The following CSMD3 variants were observed in gnomAD, a reference collection of about 807,000 sequenced individuals.
CSMD3 encodes CUB and sushi domain-containing protein 3.
In CSMD3, 177 loss-of-function variants were observed where a neutral mutation model predicts 435.2. That is an observed-to-expected ratio of 0.41 (90% confidence interval 0.36 to 0.46). The LOEUF is 0.46. CSMD3 is among the 20% of genes least tolerant of loss of function. CSMD3 has a pLI of 0.34. For synonymous variants in CSMD3, 1,656 were observed against 1,520.5 expected (o/e 1.09, Z -2.07); for missense variants, 4,265 against 4,504.6 (o/e 0.95, Z 1.52).
chr8:112,299,135 AG>A (rs1236378176), intron 53 of CSMD3, among the ~76,000 whole-genome samples: 1 of 152,120 alleles, frequency 6.6e-6, no homozygotes, highest in Non-Finnish European at 1.5e-5. Context: ...ATGAATTTCT[AG>A]AACAGGGGAA....
intron 4 of CSMD3, among the ~76,000 whole-genome samples, chr8:113,126,542 A>G (rs181304412): frequency 6.6e-6 from 1 of 152,144 alleles, no homozygotes. Context: ...TCTGGATGAC[A>G]TTAATAAAGG....
At chr8:112,384,335 T>C (rs2131260133) in intron 36 of CSMD3, among the ~76,000 whole-genome samples, 1 of 152,344 alleles carries the variant, frequency 6.6e-6, no homozygotes, top group South Asian at 2.1e-4. Flanking sequence ...GTGAAGGTCC[T>C]TAAAGTTGAG....
chr8:113,210,595 C>T (rs929874848), intron 3 of CSMD3, among the ~76,000 whole-genome samples: 11 of 151,770 alleles, frequency 7.2e-5, no homozygotes, highest in Non-Finnish European at 1.3e-4. Context: ...CTTAGAAAGG[C>T]TGTGGGGCGC....
intron 45 of CSMD3, among the ~76,000 whole-genome samples, chr8:112,322,411 C>G (rs900048954): frequency 6.6e-6 from 1 of 151,990 alleles, no homozygotes; most frequent in Non-Finnish European, 1.5e-5. Flanking sequence ...CTGTTCTTTC[C>G]TATCACTGTC....
intron 11 of CSMD3, among the ~76,000 whole-genome samples, chr8:112,832,015 G>A (rs1424784523): frequency 1.3e-5 from 2 of 152,006 alleles, no homozygotes; most frequent in African/African-American, 4.8e-5. Context: ...TTCCTTGTTA[G>A]ATTATTTATA....
chr8:113,131,262 C>G lies in CSMD3; in HGVS notation c.710-32299G>C, dbSNP rs144613232. Among the ~76,000 whole-genome samples the G allele has an allele frequency of 5.9e-3, 897 of 152,082 alleles. 4 individuals are homozygous for G. The highest frequency in any genetic ancestry group is 0.019 in the African/African-American group (797 of 41,494). ...ACAGTCAACACAAGGGGGAAAATAT[C>G]CCCAGGGCATTTCAGAGATCTCCCC... On this transcript the variant is annotated intron_variant, in intron 4 of 70. Coordinates refer to ENST00000297405, the MANE Select transcript of CSMD3 (RefSeq NM_198123.2).
intron 2 of CSMD3, among the ~76,000 whole-genome samples, chr8:113,291,888 C>A (rs1371178469): frequency 6.6e-6 from 1 of 151,572 alleles, no homozygotes; most frequent in Non-Finnish European, 1.5e-5. Context: ...ATAAAAGTAA[C>A]TTCCTTGATA....
At chr8:112,881,422 T>C (rs1242035766) in intron 10 of CSMD3, among the ~76,000 whole-genome samples, 1 of 152,092 alleles carries the variant, frequency 6.6e-6, no homozygotes, top group Admixed American at 6.6e-5. Context: ...AAATTGCATT[T>C]CTTTCAAATG....
At chr8:113,161,482 T>C (rs931848517) in intron 4 of CSMD3, among the ~76,000 whole-genome samples, 1 of 152,138 alleles carries the variant, frequency 6.6e-6, no homozygotes, top group African/African-American at 2.4e-5. Flanking sequence ...TTATAGTATA[T>C]AAACTTAAAT....
chr8:112,390,245 T>G (rs1830301527), intron 36 of CSMD3, among the ~76,000 whole-genome samples: 1 of 152,220 alleles, frequency 6.6e-6, no homozygotes, highest in Non-Finnish European at 1.5e-5. Context: ...CTGTTTTAGC[T>G]GCTGGCCATT....
chr8:112,246,563 T>C (rs1167161948), intron 64 of CSMD3, among the ~76,000 whole-genome samples: 1 of 152,194 alleles, frequency 6.6e-6, no homozygotes, highest in Non-Finnish European at 1.5e-5. Context: ...AATTCTAAAA[T>C]TGTTCTCAAA....
At position 113,396,839 on chromosome 8, in the gene CSMD3, A is replaced by G. The variant is rs373276804; in HGVS notation, c.178+39838T>C. On this transcript the variant is annotated intron_variant, in intron 1 of 70. Transcript: ENST00000297405. The stretch of plus-strand genomic sequence containing the variant: ...CATTTATAACACATCACTACCAGAT[A>G]TATTATTTATTTATTACTTATTTAT... Among the ~76,000 whole-genome samples the G allele has an allele frequency of 9.9e-5, 15 of 152,192 alleles. No homozygotes were observed. The South Asian group carries it at 3.1e-3, about 32-fold the overall frequency.
At chr8:113,302,783 G>A (rs1481611502) in intron 2 of CSMD3, among the ~76,000 whole-genome samples, 1 of 142,532 alleles carries the variant, frequency 7.0e-6, no homozygotes, top group East Asian at 2.1e-4. Context: ...AGCTATCTAT[G>A]ACAAACCCAC....
chr8:112,804,139 TTTG>T (rs1333179154), intron 12 of CSMD3, among the ~76,000 whole-genome samples: 1 of 152,106 alleles, frequency 6.6e-6, no homozygotes, highest in Non-Finnish European at 1.5e-5. Flanking sequence ...CCATTAGCAG[TTTG>T]TTGAGGCTTT....
At chr8:112,232,585 G>A (rs919223107) in intron 68 of CSMD3, among the ~76,000 whole-genome samples, 2 of 152,034 alleles carry the variant, frequency 1.3e-5, no homozygotes, top group East Asian at 3.9e-4. Context: ...CTCCAGCCTG[G>A]GCAACAGAGT....
chr8:112,536,340 C>T (rs908209163), intron 27 of CSMD3, among the ~76,000 whole-genome samples: 1 of 152,120 alleles, frequency 6.6e-6, no homozygotes, highest in Admixed American at 6.6e-5. Context: ...AACTAAACAA[C>T]CCCATCAAAA....
At chr8:112,389,179 A>G (rs1408844330) in intron 36 of CSMD3, among the ~76,000 whole-genome samples, 3 of 152,190 alleles carry the variant, frequency 2.0e-5, no homozygotes, top group Non-Finnish European at 2.9e-5. Context: ...CAGTGGGTCA[A>G]AAAGAGAAGA....
At chr8:113,258,763 T>A (rs1337044594) in intron 3 of CSMD3, among the ~76,000 whole-genome samples, 1 of 152,036 alleles carries the variant, frequency 6.6e-6, no homozygotes, top group Non-Finnish European at 1.5e-5. Context: ...TAGAGAAAAT[T>A]CAGCAGTAAA....
chr8:112,223,348 T>G lies in CSMD3; in HGVS notation c.*1423A>C, dbSNP rs1812315193. 3.1e-6 allele frequency: 1 copy of G among 322,164 alleles called. No homozygotes were observed. The highest frequency in any genetic ancestry group is 5.0e-5 in the Admixed American group (1 of 20,140). 20.0% of individuals were successfully genotyped at this position (322,164 alleles called of 1,614,324 possible). ...TTCTCTTAGGCACTCTGTCTCATGA[T>G]ACAAAAAGTCAAGACTGTTCACAGA... On this transcript the variant is annotated 3_prime_UTR_variant, in exon 71 of 71. Coordinates refer to ENST00000297405, the MANE Select transcript of CSMD3 (RefSeq NM_198123.2).
Sources: allele counts gnomAD v4.1 joint callset (sites outside exome capture counted in the v4.1 genomes callset), GRCh38; gene constraint gnomAD v4.1.1; transcripts MANE v1.5; gene names NCBI Gene and HGNC (gene_info 2026-07-23, HGNC 2026-07-21).